Variants in MSN observed in about 807,000 individuals in gnomAD.
The protein encoded by MSN is epididymis luminal protein 70.
Under a neutral mutation model 48.0 loss-of-function variants are expected in MSN, and 2 were observed. That is an observed-to-expected ratio of 0.04 (90% confidence interval 0.02 to 0.13). The LOEUF (loss-of-function observed/expected upper bound fraction) is 0.13. Ranked by LOEUF, MSN falls within the 10% of genes least tolerant of loss-of-function variation. The pLI is 1.00. For missense variants in MSN, 267 were observed against 470.1 expected (o/e 0.57, Z 3.99); for synonymous variants, 146 against 166.9 (o/e 0.87, Z 0.97).
chrX:65,632,417 C>T (rs1365665095), intron 1 of MSN, among the ~76,000 whole-genome samples: 1 of 112,356 alleles, frequency 8.9e-6, no homozygotes, highest in Non-Finnish European at 1.9e-5. Flanking sequence ...ATGATCCAAT[C>T]TGTGGTATGC....
chrX:65,589,511 G>C (rs978804874), intron 1 of MSN: 12 of 112,407 alleles, frequency 1.1e-4, no homozygotes, highest in African/African-American at 3.9e-4. Context: ...AGGCACTCCA[G>C]CTCCCTGCCT....
chrX:65,668,175 C>T (rs2148382779), intron 1 of MSN, among the ~76,000 whole-genome samples: 1 of 112,757 alleles, frequency 8.9e-6, no homozygotes, highest in Admixed American at 9.3e-5. Flanking sequence ...GCCATGGGCA[C>T]AGAGGAGAGG....
At position 65,615,660 on chromosome X, in the gene MSN, G is replaced by A. The variant is rs1172700006; in HGVS notation, c.-22+27048G>A. Among the ~76,000 whole-genome samples the A allele has an allele frequency of 6.3e-4, 66 of 105,196 alleles. 2 individuals are homozygous for A. The highest frequency in any genetic ancestry group is 1.2e-3 in the Non-Finnish European group (62 of 51,441). The allele number at this position is 105,196 out of a possible 115,157, so 91.4% of individuals were successfully genotyped here. On this transcript the variant is annotated intron_variant, in intron 1 of 3. Coordinates refer to the MSN transcript ENST00000609672. The stretch of plus-strand genomic sequence containing the variant: ...TTTTCTCCCATTTTGTAGGTTGCCT[G>A]TTCACTCTGATGGTAGTTTCTTTTG...
chrX:65,708,130 T>A (rs776251396), intron 1 of MSN, among the ~76,000 whole-genome samples: 10 of 110,965 alleles, frequency 9.0e-5, no homozygotes, highest in Admixed American at 3.8e-4. Flanking sequence ...GATTTACAGG[T>A]GTGAGCTGCT....
intron 1 of MSN, among the ~76,000 whole-genome samples, chrX:65,616,049 T>C (rs1283490507): frequency 1.8e-5 from 2 of 111,207 alleles, no homozygotes; most frequent in African/African-American, 6.6e-5. Flanking sequence ...GGCTGTGTTC[T>C]GTTCCATTGA....
intron 1 of MSN, chrX:65,589,590 G>C (rs188858105): frequency 5.5e-4 from 62 of 112,717 alleles, no homozygotes; most frequent in African/African-American, 2.0e-3. Flanking sequence ...AACCTGGGAA[G>C]GGAGAGGAAG....
intron 1 of MSN, among the ~76,000 whole-genome samples, chrX:65,647,710 G>C (rs2070705290): frequency 8.9e-6 from 1 of 112,250 alleles, no homozygotes; most frequent in Non-Finnish European, 1.9e-5. Flanking sequence ...ATTGGAGGAA[G>C]CATAACACAT....
upstream of MSN, chrX:65,667,535 G>A: frequency 1.5e-6 from 1 of 678,778 alleles, no homozygotes; most frequent in Non-Finnish European, 1.8e-6. Context: ...TGGCTGCGCC[G>A]GGCCTGGCCA....
intron 1 of MSN, among the ~76,000 whole-genome samples, chrX:65,709,115 C>T (rs1340624250): frequency 8.9e-6 from 1 of 112,223 alleles, no homozygotes; most frequent in African/African-American, 3.2e-5. Context: ...ATGCAGTAAA[C>T]ACGAGGGTGC....
At chrX:65,650,201 C>T (rs1476571580) in intron 1 of MSN, among the ~76,000 whole-genome samples, 3 of 108,049 alleles carry the variant, frequency 2.8e-5, no homozygotes, top group Non-Finnish European at 5.7e-5. Flanking sequence ...GATTCTTGCA[C>T]CTCAGCCTCT....
At chrX:65,615,212 A>G (rs1432447738) in intron 1 of MSN, among the ~76,000 whole-genome samples, 1 of 109,726 alleles carries the variant, frequency 9.1e-6, no homozygotes, top group Non-Finnish European at 1.9e-5. Context: ...TCCTTTGGGT[A>G]TATACCCAGT....
chrX:65,695,757 A>C (rs919537746), intron 1 of MSN, among the ~76,000 whole-genome samples: 5 of 110,892 alleles, frequency 4.5e-5, no homozygotes, highest in African/African-American at 1.6e-4. Context: ...ATCTCCCCCA[A>C]ATCTATGAGC....
chrX:65,603,456 G>T (rs1240021309), intron 1 of MSN, among the ~76,000 whole-genome samples: 1 of 111,710 alleles, frequency 9.0e-6, no homozygotes, highest in Non-Finnish European at 1.9e-5. Context: ...GGCTCAGATA[G>T]GTTAGGTAAC....
chrX:65,705,261 G>C (rs1423829437), intron 1 of MSN, among the ~76,000 whole-genome samples: 1 of 111,751 alleles, frequency 8.9e-6, no homozygotes, highest in African/African-American at 3.3e-5. Context: ...TAGAGGACAA[G>C]TTGAAGTTCA....
At chrX:65,604,040 T>A (rs2070258707) in intron 1 of MSN, among the ~76,000 whole-genome samples, 2 of 112,508 alleles carry the variant, frequency 1.8e-5, no homozygotes, top group South Asian at 7.3e-4. Flanking sequence ...CATAGATTAA[T>A]TCATTTGATT....
chrX:65,670,762 C>A (rs2070925206), intron 1 of MSN, among the ~76,000 whole-genome samples: 1 of 101,945 alleles, frequency 9.8e-6, no homozygotes, highest in Non-Finnish European at 2.0e-5. Context: ...ACATGCCTCA[C>A]TACCCACCGC....
intron 1 of MSN, among the ~76,000 whole-genome samples, chrX:65,707,265 AGTTT>A (rs2071371229): frequency 9.1e-6 from 1 of 110,285 alleles, no homozygotes; most frequent in African/African-American, 3.3e-5. Context: ...CACCGAGATG[AGTTT>A]GTTTGTGCTT....
At chrX:65,592,724 C>T (rs1048297905) in intron 1 of MSN, among the ~76,000 whole-genome samples, 2 of 110,847 alleles carry the variant, frequency 1.8e-5, no homozygotes, top group Non-Finnish European at 3.8e-5. Flanking sequence ...AATCGGCAAG[C>T]AATTTCCTCT....
chrX:65,739,703 C>T lies in MSN; in HGVS notation c.1570-26C>T, dbSNP rs57993516. 761 of 1,187,796 alleles carry T rather than the reference C, an allele frequency of 6.4e-4. 5 individuals are homozygous for T. In the African/African-American group the frequency reaches 0.012, roughly 18 times the overall value. The stretch of plus-strand genomic sequence containing the variant: ...GGTAAAATGAGAGAAAGCCATTGAC[C>T]TCTGTGTTCCCATACATCCTCACAG... On this transcript the variant is annotated intron_variant, in intron 12 of 12. Transcript: ENST00000360270.
Sources: allele counts gnomAD v4.1 joint callset (sites outside exome capture counted in the v4.1 genomes callset), GRCh38; gene constraint gnomAD v4.1.1; transcripts MANE v1.5; gene names NCBI Gene and HGNC (gene_info 2026-07-23, HGNC 2026-07-21).